The following IQCH variants were observed in gnomAD, a reference collection of about 807,000 sequenced individuals.
The protein encoded by IQCH is IQ domain-containing protein H.
Under a neutral mutation model 117.0 loss-of-function variants are expected in IQCH, and 98 were observed. That is an observed-to-expected ratio of 0.84 (90% CI 0.71 to 0.99). The LOEUF (loss-of-function observed/expected upper bound fraction) is 0.99, where lower values mean the gene tolerates loss of function less well. Among genes scored for constraint, IQCH ranks in the 50% least tolerant of loss-of-function variants. IQCH has a pLI of 0.00. For missense variants in IQCH, 1,102 were observed against 1,243.8 expected, an observed-to-expected ratio of 0.89 and a Z score of 1.72; for synonymous variants, 412 against 448.2, an observed-to-expected ratio of 0.92 and a Z score of 1.02.
intron 6 of IQCH, among the ~76,000 whole-genome samples, chr15:67,349,903 T>C (rs1435409648): frequency 1.3e-5 from 2 of 152,186 alleles, no homozygotes; most frequent in Non-Finnish European, 2.9e-5. Context: ...CAATTGCAAC[T>C]CTCATTCCTT....
chr15:67,310,913 C>T (rs1333053408), intron 4 of IQCH, among the ~76,000 whole-genome samples: 1 of 152,082 alleles, frequency 6.6e-6, no homozygotes, highest in East Asian at 1.9e-4. Flanking sequence ...TGTGATAGAA[C>T]ATCCTAAAAT....
At chr15:67,283,406 CA>C (rs1475982150) in intron 4 of IQCH, among the ~76,000 whole-genome samples, 2 of 152,070 alleles carry the variant, frequency 1.3e-5, no homozygotes, top group African/African-American at 4.8e-5. Flanking sequence ...AAATAAAGAC[CA>C]TTTTTGTTCA....
Position 67,366,879 on chromosome 15 carries a change from T to C in IQCH, c.754-5232T>C, listed in dbSNP as rs1352117285. ...TTCAGAGTTACTAGAAAGAGTTTTC[T>C]ATCTGAAAAATAGAATACGAAAAAA... On this transcript the variant is annotated intron_variant, in intron 8 of 20. Transcript: ENST00000335894. This position sits in a 1 kb window ranked among gnomAD's most constrained non-coding sequence, Gnocchi z 4.4. Among the ~76,000 whole-genome samples, 1 of 152,218 alleles carries C rather than the reference T, an allele frequency of 6.6e-6. No individual in the cohort carries two copies. The highest frequency in any genetic ancestry group is 1.9e-4 in the East Asian group (1 of 5,204).
rs920530996 is a variant in IQCH at position 67,453,701 on chromosome 15, G to A, written c.2506-11426G>A. ...ACCCACTTGAGGAGGCAGTCTGCCC[G>A]TTCTCAGATCTCAAGCTGCATGCTG... On this transcript the variant is annotated intron_variant, in intron 16 of 20. Coordinates refer to ENST00000335894, the MANE Select transcript of IQCH (RefSeq NM_001031715.3). This position sits in a 1 kb window ranked among gnomAD's most constrained non-coding sequence, Gnocchi z 5.8. Among the ~76,000 whole-genome samples, 4 of 152,194 alleles carry A rather than the reference G, an allele frequency of 2.6e-5. No individual in the cohort carries two copies. Among genetic ancestry groups the A allele is most frequent in the African/African-American group, 4.8e-5 (2 of 41,462 alleles).
chr15:67,442,561 A>C (rs2082296559), intron 16 of IQCH, among the ~76,000 whole-genome samples: 1 of 152,162 alleles, frequency 6.6e-6, no homozygotes, highest in South Asian at 2.1e-4. Flanking sequence ...GTTACAGGGA[A>C]CGCTTCTACA....
chr15:67,291,025 A>G (rs1966732795), intron 4 of IQCH, among the ~76,000 whole-genome samples: 1 of 152,190 alleles, frequency 6.6e-6, no homozygotes, highest in Non-Finnish European at 1.5e-5. Context: ...CAGTGTTCAT[A>G]GAATCCACTC....
Position 67,354,534 on chromosome 15 carries a change from C to A in IQCH, c.638-2811C>A, listed in dbSNP as rs141475177. On this transcript the variant is annotated intron_variant, in intron 6 of 20. Transcript: ENST00000335894. Reference sequence around the variant, plus strand: ...TTTGAAGCATTCCTTTTCTACTTCTCGATTAAAAGCAGAGACAAGTCAAGG... The same window carrying A: ...TTTGAAGCATTCCTTTTCTACTTCTAGATTAAAAGCAGAGACAAGTCAAGG... Among the ~76,000 whole-genome samples, 283 of 152,212 alleles carry A rather than the reference C, an allele frequency of 1.9e-3. 1 individual carries two copies. Among genetic ancestry groups the A allele is most frequent in the Middle Eastern group, 6.8e-3 (2 of 294 alleles).
At chr15:67,255,428 A>C (rs937016860) in intron 1 of IQCH, 1 of 156,456 alleles carries the variant, frequency 6.4e-6, no homozygotes, top group Non-Finnish European at 1.4e-5. Flanking sequence ...AGAAAAATCA[A>C]GATAACTTGG....
Position 67,387,702 on chromosome 15 carries a change from AGATAC to A in IQCH, c.1457-1128_1457-1124del, listed in dbSNP as rs1567147212. The stretch of plus-strand genomic sequence containing the variant: ...CTTACTATGTGCCAGATGCTGCACC[AGATAC>A]TTTCTATATCTTCACTCATTTAATA... On this transcript the variant is annotated intron_variant, in intron 11 of 20. Coordinates refer to ENST00000335894, the MANE Select transcript of IQCH (RefSeq NM_001031715.3). This position sits in a 1 kb window ranked among gnomAD's most constrained non-coding sequence, Gnocchi z 4.8. Among the ~76,000 whole-genome samples, 1 of 152,218 alleles carries A rather than the reference AGATAC, an allele frequency of 6.6e-6. No homozygotes were observed. The highest frequency in any genetic ancestry group is 1.5e-5 in the Non-Finnish European group (1 of 68,042).
At chr15:67,286,602 A>ATTTT (rs1966570606) in intron 4 of IQCH, among the ~76,000 whole-genome samples, 1 of 116,090 alleles carries the variant, frequency 8.6e-6, no homozygotes, top group East Asian at 3.1e-4. Flanking sequence ...TTATTTATTT[A>ATTTT]TTTATTTATT....
chr15:67,373,227 A>G (rs1199899521), intron 9 of IQCH, 140 bp from the exon 10 acceptor site: 2 of 569,528 alleles, frequency 3.5e-6, no homozygotes, highest in Non-Finnish European at 6.1e-6. Context: ...TTAATTGGGG[A>G]AGATGTTTTA....
Position 67,475,703 on chromosome 15 carries a change from CA to C in IQCH, c.2686del (p.Thr896ProfsTer6), listed in dbSNP as rs2083184991. 3 of 1,613,758 alleles carry C rather than the reference CA, an allele frequency of 1.9e-6. No individual in the cohort carries two copies. The East Asian group carries it at 6.7e-5, about 36-fold the overall frequency. ...CMSALSMPML[A>X]TSRYAVMTTQ... ...AGTTGTGCTCCTTTCCAGATGCTGGCAACCAGTCGCTATGCAGTGATGACCA... is the reference window on the plus strand; with the variant it reads ...AGTTGTGCTCCTTTCCAGATGCTGGCACCAGTCGCTATGCAGTGATGACCA... On this transcript the variant is annotated frameshift_variant, in exon 18 of 21. Coordinates refer to ENST00000335894, the MANE Select transcript of IQCH (RefSeq NM_001031715.3). LOFTEE classifies it high-confidence loss of function. The surrounding 1 kb of genome is among the most constrained non-coding windows in gnomAD (Gnocchi z 5.7).
intron 16 of IQCH, among the ~76,000 whole-genome samples, chr15:67,434,434 A>G (rs2082085486): frequency 1.3e-5 from 2 of 152,338 alleles, no homozygotes; most frequent in South Asian, 4.1e-4. Flanking sequence ...AGGCTAAATA[A>G]TATTCCAATG....
intron 3 of IQCH, among the ~76,000 whole-genome samples, chr15:67,278,841 A>G (rs995903636): frequency 3.9e-5 from 6 of 152,172 alleles, no homozygotes; most frequent in Non-Finnish European, 8.8e-5. Context: ...TTAAGACATA[A>G]CATGACACAC....
Position 67,432,882 on chromosome 15 carries a change from C to G in IQCH, c.2505+11305C>G, listed in dbSNP as rs546192367. On this transcript the variant is annotated intron_variant, in intron 16 of 20. Coordinates refer to ENST00000335894, the MANE Select transcript of IQCH (RefSeq NM_001031715.3). This position sits in a 1 kb window ranked among gnomAD's most constrained non-coding sequence, Gnocchi z 5.0. Reference sequence around the variant, plus strand: ...AATGAATGAATACTTCTCTAAATCCCCCTCTAGTACTCTCATTTGCAAGAT... The same window carrying G: ...AATGAATGAATACTTCTCTAAATCCGCCTCTAGTACTCTCATTTGCAAGAT... Among the ~76,000 whole-genome samples the G allele has an allele frequency of 6.6e-6, 1 of 152,038 alleles. No homozygotes were observed. Among genetic ancestry groups the G allele is most frequent in the Admixed American group, 6.6e-5 (1 of 15,258 alleles).
chr15:67,419,591 T>C (rs2081672011), intron 15 of IQCH, among the ~76,000 whole-genome samples: 1 of 152,236 alleles, frequency 6.6e-6, no homozygotes, highest in African/African-American at 2.4e-5. Flanking sequence ...TCTCGCTCTA[T>C]CACCCAGACT....
intron 4 of IQCH, among the ~76,000 whole-genome samples, chr15:67,312,697 T>TG (rs1158503350): frequency 4.6e-5 from 7 of 152,144 alleles, no homozygotes; most frequent in Non-Finnish European, 8.8e-5. Flanking sequence ...TGGTAATGCT[T>TG]GCAATAATAT....
In IQCH at chr15:67,411,925, G is replaced by A. The variant is rs1242285867; in HGVS notation, c.2098-5006G>A. 2.0e-5 allele frequency among the ~76,000 whole-genome samples: 3 copies of A among 152,186 alleles called. No individual in the cohort carries two copies. Among genetic ancestry groups the A allele is most frequent in the African/African-American group, 4.8e-5 (2 of 41,454 alleles). On this transcript the variant is annotated intron_variant, in intron 14 of 20. Coordinates refer to ENST00000335894, the MANE Select transcript of IQCH (RefSeq NM_001031715.3). The surrounding 1 kb of genome is among the most constrained non-coding windows in gnomAD (Gnocchi z 4.4). ...TAGACAAGAATCTCTGGGGTGCATC[G>A]GCCAGGCTGGTGGAGCCCCATGCTT... is the stretch of plus-strand genomic sequence containing the variant.
chr15:67,420,931 G>A (rs76764703), intron 15 of IQCH, among the ~76,000 whole-genome samples: 8 of 152,322 alleles, frequency 5.3e-5, no homozygotes, highest in Non-Finnish European at 1.0e-4. Context: ...ACTATGGGCC[G>A]TTAATTCCCC....
Sources: allele counts gnomAD v4.1 joint callset (sites outside exome capture counted in the v4.1 genomes callset), GRCh38; gene constraint gnomAD v4.1.1; non-coding constraint Gnocchi (gnomAD v3.1); transcripts MANE v1.5; gene names NCBI Gene and HGNC (gene_info 2026-07-23, HGNC 2026-07-21).